TEX11: variants seen among roughly 807,000 people sequenced by gnomAD.
TEX11 encodes the protein testis expressed 11.
In TEX11, 7 loss-of-function variants were observed where a neutral mutation model predicts 84.4. The observed-to-expected ratio is 0.08, with a 90% CI of 0.05 to 0.16. TEX11 has a LOEUF of 0.16. Ranked by LOEUF, TEX11 falls within the 10% of genes least tolerant of loss-of-function variation. The pLI is 1.00. For synonymous variants in TEX11, 264 were observed against 222.8 expected, an observed-to-expected ratio of 1.18 and a Z score of -1.64; for missense variants, 551 against 660.5, an observed-to-expected ratio of 0.83 and a Z score of 1.82.
At chrX:70,791,360 A>C (rs1453503674) in intron 9 of TEX11, among the ~76,000 whole-genome samples, 2 of 112,290 alleles carry the variant, frequency 1.8e-5, no homozygotes, top group Non-Finnish European at 3.8e-5. Context: ...GCTGATTCAT[A>C]AAACAAGTAC....
intron 24 of TEX11, among the ~76,000 whole-genome samples, chrX:70,596,792 T>C (rs909305743): frequency 9.9e-5 from 11 of 110,719 alleles, no homozygotes; most frequent in African/African-American, 3.3e-4. Context: ...ATTAATGAAA[T>C]AGAGACTAGA....
Position 70,862,657 on chromosome X carries a change from A to G in TEX11, c.245-1721T>C, listed in dbSNP as rs138327354. Among the ~76,000 whole-genome samples the G allele has an allele frequency of 5.4e-3, 594 of 109,133 alleles. 2 individuals are homozygous for G. The highest frequency in any genetic ancestry group is 9.7e-3 in the Non-Finnish European group (510 of 52,569). The allele number at this position is 109,133 out of a possible 115,157, so 94.8% of individuals were successfully genotyped here. On this transcript the variant is annotated intron_variant, in intron 4 of 29. Coordinates refer to ENST00000374333, the MANE Select transcript of TEX11 (RefSeq NM_031276.3). ...GGTGGCTCACACCTGTAACCCCAAC[A>G]CTTTAAGAGGCTGAGGTGGGTAAAT...
chrX:70,584,240 G>A lies in TEX11; in HGVS notation c.2140+7511C>T, dbSNP rs370173576. ...GGAACTTGCAGTGAGCCGAGATTAC[G>A]CCACTGCAGTCCGCAGTCTGGCCTG... On this transcript the variant is annotated intron_variant, in intron 25 of 29. Coordinates refer to ENST00000374333, the MANE Select transcript of TEX11 (RefSeq NM_031276.3). 9.5e-5 allele frequency among the ~76,000 whole-genome samples: 10 copies of A among 105,053 alleles called. No homozygotes were observed. In the East Asian group the frequency reaches 1.8e-3, roughly 19 times the overall value. The allele number at this position is 105,053 out of a possible 115,157, so 91.2% of individuals were successfully genotyped here.
intron 9 of TEX11, among the ~76,000 whole-genome samples, chrX:70,799,039 C>T (rs975632590): frequency 2.1e-4 from 23 of 111,534 alleles, no homozygotes; most frequent in African/African-American, 7.5e-4. Flanking sequence ...AAACAATTAA[C>T]AGAGTGAAGA....
intron 13 of TEX11, among the ~76,000 whole-genome samples, chrX:70,718,819 C>T (rs2090530602): frequency 1.8e-5 from 2 of 111,495 alleles, no homozygotes; most frequent in South Asian, 7.5e-4. Flanking sequence ...TAAGGACCGG[C>T]CCTCTGACCT....
At chrX:70,863,774 T>C (rs141950502) in intron 4 of TEX11, among the ~76,000 whole-genome samples, 2 of 111,175 alleles carry the variant, frequency 1.8e-5, no homozygotes, top group African/African-American at 6.6e-5. Context: ...GTATAACAAA[T>C]TCCTCTGAGC....
At chrX:70,877,291 TA>T (rs376479023) in intron 3 of TEX11, among the ~76,000 whole-genome samples, 6,921 of 98,262 alleles carry the variant, frequency 0.07, 591 homozygotes, top group African/African-American at 0.24. Flanking sequence ...GTGATTGTCT[TA>T]AAAAAAAAAA....
intron 25 of TEX11, among the ~76,000 whole-genome samples, chrX:70,555,399 T>C (rs781597558): frequency 3.7e-4 from 41 of 112,242 alleles, no homozygotes; most frequent in African/African-American, 1.3e-3. Context: ...TTTTGAGGTA[T>C]GACATATATA....
chrX:70,637,423 C>A (rs1450322238), intron 17 of TEX11, among the ~76,000 whole-genome samples: 1 of 112,254 alleles, frequency 8.9e-6, no homozygotes, highest in Non-Finnish European at 1.9e-5. Context: ...GGTATATACC[C>A]AAAGGAATAT....
At chrX:70,577,759 C>CTTTTTTTTTTTTTTTTTTTTTG (rs1213364344) in intron 25 of TEX11, among the ~76,000 whole-genome samples, 3 of 96,633 alleles carry the variant, frequency 3.1e-5, no homozygotes, top group Non-Finnish European at 6.6e-5. Flanking sequence ...GAGACAGTCT[C>CTTTTTTTTTTTTTTTTTTTTTG]ACTCTGTCAC....
chrX:70,900,645 A>T (rs1569463768), intron 2 of TEX11, among the ~76,000 whole-genome samples: 1 of 109,810 alleles, frequency 9.1e-6, no homozygotes, highest in East Asian at 2.8e-4. Context: ...TTAAAATGAA[A>T]ATATATATAT....
intron 17 of TEX11, among the ~76,000 whole-genome samples, chrX:70,640,620 T>A (rs1376712155): frequency 9.2e-6 from 1 of 109,247 alleles, no homozygotes; most frequent in East Asian, 2.9e-4. Context: ...ATATTCAACA[T>A]TCTTAAAGAA....
chrX:70,834,205 A>T (rs747702204), intron 7 of TEX11, among the ~76,000 whole-genome samples: 14 of 109,614 alleles, frequency 1.3e-4, no homozygotes, highest in African/African-American at 3.3e-4. Context: ...AAAAAAAAAA[A>T]TTTTAAGAAA....
At chrX:70,737,052 C>A (rs1486528327) in intron 11 of TEX11, among the ~76,000 whole-genome samples, 1 of 110,958 alleles carries the variant, frequency 9.0e-6, no homozygotes, top group Non-Finnish European at 1.9e-5. Context: ...GGAAACTAAT[C>A]TAGAAGTGAC....
intron 9 of TEX11, among the ~76,000 whole-genome samples, chrX:70,751,461 C>T (rs2090824234): frequency 1.3e-5 from 1 of 79,860 alleles, no homozygotes; most frequent in Non-Finnish European, 2.2e-5. Context: ...GGAAGGGGAG[C>T]ATCACACACC....
intron 25 of TEX11, among the ~76,000 whole-genome samples, chrX:70,560,300 G>A (rs1173196933): frequency 9.1e-6 from 1 of 109,753 alleles, no homozygotes; most frequent in Non-Finnish European, 1.9e-5. Flanking sequence ...ACAGGTATGT[G>A]CCACCACGCC....
chrX:70,830,123 C>T (rs750756512), intron 8 of TEX11, among the ~76,000 whole-genome samples: 1 of 110,766 alleles, frequency 9.0e-6, no homozygotes, highest in East Asian at 2.8e-4. Flanking sequence ...ATAAGAAACA[C>T]ATTTCCCCTA....
At chrX:70,690,623 T>C (rs947069944) in intron 13 of TEX11, among the ~76,000 whole-genome samples, 13 of 111,322 alleles carry the variant, frequency 1.2e-4, no homozygotes, top group Admixed American at 1.1e-3. Flanking sequence ...GGAAGATCAC[T>C]TGAGTCCAGG....
intron 19 of TEX11, 81 bp downstream of exon 19, chrX:70,624,758 G>T: frequency 1.3e-6 from 1 of 754,546 alleles, no homozygotes; most frequent in Non-Finnish European, 1.9e-6. Flanking sequence ...GATCTCAATA[G>T]CACTATTTTG....
Sources: gnomAD v4.1 joint callset for allele counts (sites outside exome capture counted in the v4.1 genomes callset) on GRCh38, gnomAD v4.1.1 for gene constraint, MANE v1.5 for transcripts, NCBI Gene and HGNC (gene_info 2026-07-23, HGNC 2026-07-21) for gene names.